The following MSRA variants were observed in gnomAD, a reference collection of about 807,000 sequenced individuals.
MSRA encodes mitochondrial peptide methionine sulfoxide reductase.
A neutral mutation model predicts 31.3 loss-of-function variants in MSRA; 54 were observed. That is an observed-to-expected ratio of 1.73 (90% CI 1.39 to 2.17). MSRA has a LOEUF of 2.17. Ranked by LOEUF, MSRA falls within the 30% of genes most tolerant of loss-of-function variation. MSRA has a pLI of 0.00. For synonymous variants in MSRA, 169 were observed against 116.5 expected (o/e 1.45, Z -2.90); for missense variants, 507 against 300.9 (o/e 1.69, Z -5.07).
At chr8:10,383,096 C>CT (rs1806174961) in intron 5 of MSRA, among the ~76,000 whole-genome samples, 2 of 152,206 alleles carry the variant, frequency 1.3e-5, no homozygotes, top group Non-Finnish European at 2.9e-5. Flanking sequence ...GGGTAAACAT[C>CT]TGAGGCTCAG....
At chr8:10,077,947 A>C (rs900903320) in intron 1 of MSRA, among the ~76,000 whole-genome samples, 1 of 152,190 alleles carries the variant, frequency 6.6e-6, no homozygotes, top group Non-Finnish European at 1.5e-5. Context: ...ATTCACCCTA[A>C]TATTAGTGAA....
chr8:10,071,999 G>T (rs1449741721), intron 1 of MSRA, among the ~76,000 whole-genome samples: 5 of 152,132 alleles, frequency 3.3e-5, no homozygotes, highest in Non-Finnish European at 7.4e-5. Context: ...CCCGTACGGG[G>T]TGGTCTGCCT....
intron 1 of MSRA, 147 bp downstream of exon 1, chr8:10,054,805 C>T (rs896354645): frequency 2.0e-5 from 17 of 871,070 alleles, no homozygotes; most frequent in Admixed American, 1.8e-4. Flanking sequence ...CGCGAAGGGG[C>T]GCCGGCAGTG....
intron 1 of MSRA, among the ~76,000 whole-genome samples, chr8:10,107,290 A>C (rs967589325): frequency 3.9e-5 from 6 of 151,932 alleles, no homozygotes; most frequent in African/African-American, 1.5e-4. Context: ...TTTAACACTT[A>C]AGTATAGCAC....
chr8:10,166,077 C>T (rs77857077), intron 1 of MSRA, among the ~76,000 whole-genome samples: 2,824 of 152,160 alleles, frequency 0.019, 89 homozygotes, highest in African/African-American at 0.064. Context: ...CGAATGAAAC[C>T]CGGGGCTGGT....
intron 1 of MSRA, among the ~76,000 whole-genome samples, chr8:10,147,200 T>C (rs755244027): frequency 2.0e-4 from 30 of 152,066 alleles, no homozygotes; most frequent in South Asian, 4.2e-4. Flanking sequence ...CCAGAGTAGA[T>C]GAGAAGGAGC....
intron 1 of MSRA, among the ~76,000 whole-genome samples, chr8:10,193,029 AG>A (rs1350224626): frequency 6.6e-6 from 1 of 152,230 alleles, no homozygotes; most frequent in Non-Finnish European, 1.5e-5. Flanking sequence ...GGGAAGAAAA[AG>A]TGACAGAAAA....
chr8:10,261,149 G>T (rs1179230078), intron 3 of MSRA, among the ~76,000 whole-genome samples: 1 of 152,104 alleles, frequency 6.6e-6, no homozygotes, highest in Non-Finnish European at 1.5e-5. Flanking sequence ...ACTATAGTCT[G>T]CTGTGATGGT....
intron 5 of MSRA, among the ~76,000 whole-genome samples, chr8:10,323,890 A>G (rs1161649473): frequency 6.6e-6 from 1 of 152,140 alleles, no homozygotes; most frequent in Admixed American, 6.5e-5. Flanking sequence ...CCCGATAGCC[A>G]TTGCTGCTCA....
chr8:10,063,587 G>T (rs1188577359), intron 1 of MSRA, among the ~76,000 whole-genome samples: 4 of 152,172 alleles, frequency 2.6e-5, no homozygotes, highest in African/African-American at 9.7e-5. Context: ...TAGGAGGTGG[G>T]GGCTTTGGGA....
intron 1 of MSRA, among the ~76,000 whole-genome samples, chr8:10,124,660 A>G (rs950045422): frequency 6.6e-6 from 1 of 152,246 alleles, no homozygotes; most frequent in African/African-American, 2.4e-5. Context: ...CATTGCAATT[A>G]TAGTATGCCT....
At chr8:10,420,547 G>T (rs184509622) in intron 5 of MSRA, among the ~76,000 whole-genome samples, 25 of 152,236 alleles carry the variant, frequency 1.6e-4, no homozygotes, top group Non-Finnish European at 2.9e-4. Flanking sequence ...TTTCCTTCAT[G>T]TTGGGGTCTC....
intron 3 of MSRA, chr8:10,250,499 C>T (rs1302005072): frequency 1.4e-6 from 1 of 701,154 alleles, no homozygotes; most frequent in Non-Finnish European, 2.6e-6. Context: ...GCACTGAATC[C>T]AGAAGCATGA....
At chr8:10,225,914 C>G (rs1810959780) in intron 2 of MSRA, among the ~76,000 whole-genome samples, 1 of 152,196 alleles carries the variant, frequency 6.6e-6, no homozygotes, top group African/African-American at 2.4e-5. Context: ...AGGAAGTATT[C>G]TATCCATGCC....
At chr8:10,221,917 C>T (rs1409875593) in intron 2 of MSRA, among the ~76,000 whole-genome samples, 1 of 152,076 alleles carries the variant, frequency 6.6e-6, no homozygotes, top group African/African-American at 2.4e-5. Context: ...GCCTGTGTGG[C>T]TGGCGTGTAA....
At chr8:10,266,612 T>A (rs949762801) in intron 3 of MSRA, among the ~76,000 whole-genome samples, 6 of 152,294 alleles carry the variant, frequency 3.9e-5, no homozygotes, top group African/African-American at 1.4e-4. Context: ...TATCGGTTTT[T>A]TTTTTTATGG....
At chr8:10,167,895 C>CTA (rs1025993917) in intron 1 of MSRA, among the ~76,000 whole-genome samples, 1 of 152,204 alleles carries the variant, frequency 6.6e-6, no homozygotes, top group African/African-American at 2.4e-5. Context: ...CTAGAAGGCC[C>CTA]TATACCCTGA....
chr8:10,272,690 A>G (rs1184698446), intron 3 of MSRA, among the ~76,000 whole-genome samples: 1 of 152,192 alleles, frequency 6.6e-6, no homozygotes, highest in Non-Finnish European at 1.5e-5. Flanking sequence ...ACTACCCTCA[A>G]ACGAATTCTA....
chr8:10,132,460 A>C (rs965290108), intron 1 of MSRA, among the ~76,000 whole-genome samples: 4 of 152,114 alleles, frequency 2.6e-5, no homozygotes, highest in Non-Finnish European at 5.9e-5. Flanking sequence ...TTCAACAACA[A>C]ATTTATTTCC....
Sources: gnomAD v4.1 joint callset for allele counts (sites outside exome capture counted in the v4.1 genomes callset) on GRCh38, gnomAD v4.1.1 for gene constraint, MANE v1.5 for transcripts, NCBI Gene and HGNC (gene_info 2026-07-23, HGNC 2026-07-21) for gene names.